TOP1MT: variants seen among roughly 807,000 people sequenced by gnomAD.
TOP1MT encodes DNA topoisomerase I, mitochondrial.
Under a neutral mutation model 73.9 loss-of-function variants are expected in TOP1MT, and 80 were observed. That is an observed-to-expected ratio of 1.08 (90% confidence interval 0.90 to 1.30). The LOEUF (loss-of-function observed/expected upper bound fraction) is 1.30, where lower values mean the gene tolerates loss of function less well. TOP1MT is among the 50% of genes most tolerant of loss of function. The pLI is 0.00. For synonymous variants in TOP1MT, 338 were observed against 326.4 expected, an observed-to-expected ratio of 1.04 and a Z score of -0.38; for missense variants, 815 against 808.0, an observed-to-expected ratio of 1.01 and a Z score of -0.10.
rs879811185 is a variant in TOP1MT, at chr8:143,323,726, A to ACACATGCTCAC, written c.960+272_960+273insGTGAGCATGTG. ...GGCACACCACACACATGCACGCCACACACACATGCACGCCACACACATGCA... is the reference window on the plus strand; with the variant it reads ...GGCACACCACACACATGCACGCCACACACATGCTCACCACACATGCACGCCACACACATGCA... On this transcript the variant is annotated intron_variant, in intron 7 of 13. Transcript: ENST00000329245. 1.7e-4 allele frequency among the ~76,000 whole-genome samples: 10 copies of ACACATGCTCAC among 58,842 alleles called. 2 individuals are homozygous for ACACATGCTCAC. The highest frequency in any genetic ancestry group is 2.2e-3 in the East Asian group (1 of 462). The allele number at this position is 58,842 out of a possible 152,430, so 38.6% of individuals were successfully genotyped here.
intron 10 of TOP1MT, 92 bp downstream of exon 10, chr8:143,317,631 G>A (rs910699333): frequency 1.6e-5 from 18 of 1,146,852 alleles, no homozygotes; most frequent in East Asian, 4.9e-5. Flanking sequence ...GCCCCACCCC[G>A]AGGCTCACTC....
chr8:143,325,597 T>C (rs1816686168), intron 4 of TOP1MT, 64 bp from the exon 5 acceptor site: 4 of 1,498,706 alleles, frequency 2.7e-6, no homozygotes, highest in Non-Finnish European at 3.7e-6. Flanking sequence ...CTCAGTCCGT[T>C]GTTGCTAACC....
In TOP1MT at chr8:143,310,162, G is replaced by A. The variant is rs758896966; in HGVS notation, c.1609C>T (p.Leu537=). The change falls in exon 13 of 14, where the codon CTG becomes TTG. Residue 537 remains leucine, a synonymous_variant. Coordinates refer to ENST00000329245, the MANE Select transcript of TOP1MT (RefSeq NM_052963.3). ...TCCTTGTCCGTGGCCTGCACACTCA[G>A]CTGCGCCAGCTGCTCCTGCAGCTTC... ...LEKLQEQLAQ[L]SVQATDKEEN... 6 of 1,607,108 alleles carry A rather than the reference G, an allele frequency of 3.7e-6. No homozygotes were observed. Among genetic ancestry groups the A allele is most frequent in the Non-Finnish European group, 5.1e-6 (6 of 1,176,964 alleles).
intron 2 of TOP1MT, among the ~76,000 whole-genome samples, chr8:143,342,856 C>T (rs989245983): frequency 5.4e-5 from 8 of 149,138 alleles, no homozygotes; most frequent in African/African-American, 1.5e-4. Context: ...GTGATCTCGG[C>T]TCACTGCAAC....
chr8:143,309,691 C>A, intron 13 of TOP1MT, 148 bp from the exon 14 acceptor site: 1 of 1,516,026 alleles, frequency 6.6e-7, no homozygotes, highest in African/African-American at 1.4e-5. Flanking sequence ...CTAGGCCAAC[C>A]CCACCCCACG....
chr8:143,316,090 T>A lies in TOP1MT; in HGVS notation c.1367A>T (p.Asn456Ile), dbSNP rs750603906. ...DSIAAKILSY[N>I]RANRVVAILC... ...AATGGCCACGACTCGGTTGGCTCGG[T>A]TGTAGGATAAGATCTTAGCTGCTAT... Residue 456 changes from asparagine to isoleucine, a missense_variant, in exon 11 of 14, where the codon AAC (asparagine) becomes ATC (isoleucine). This residue lies in a region of TOP1MT where 751 missense variants were observed against 725.4 expected (regional missense o/e 1.04). Transcript: ENST00000329245. 2.5e-6 allele frequency: 4 copies of A among 1,614,092 alleles called. No homozygotes were observed. Among genetic ancestry groups the A allele is most frequent in the South Asian group, 1.1e-5 (1 of 91,090 alleles).
chr8:143,321,777 C>CAG (rs1586757652), intron 7 of TOP1MT, among the ~76,000 whole-genome samples: 18 of 103,760 alleles, frequency 1.7e-4, no homozygotes, highest in Admixed American at 2.1e-4. Flanking sequence ...GCCACACACA[C>CAG]GCACGCCACA....
intron 3 of TOP1MT, among the ~76,000 whole-genome samples, chr8:143,326,746 A>C (rs1376155981): frequency 6.6e-6 from 1 of 152,244 alleles, no homozygotes; most frequent in Non-Finnish European, 1.5e-5. Flanking sequence ...GACCGGACAG[A>C]GCAGGATACA....
chr8:143,347,602 T>C (rs1185596986), upstream of TOP1MT, among the ~76,000 whole-genome samples: 1 of 152,184 alleles, frequency 6.6e-6, no homozygotes, highest in Non-Finnish European at 1.5e-5. Flanking sequence ...CTCTTAAAAG[T>C]AGTTACTATT....
At chr8:143,318,181 G>T in intron 8 of TOP1MT, 95 bp from the exon 9 acceptor site, 1 of 1,179,082 alleles carries the variant, frequency 8.5e-7, no homozygotes, top group Non-Finnish European at 1.2e-6. Flanking sequence ...GCCCACGGGA[G>T]GCTTCCCTGA....
At chr8:143,323,134 C>A (rs1218135983) in intron 7 of TOP1MT, among the ~76,000 whole-genome samples, 2 of 138,724 alleles carry the variant, frequency 1.4e-5, no homozygotes, top group Non-Finnish European at 3.0e-5. Context: ...CACACACAGG[C>A]ACACCACACA....
intron 12 of TOP1MT, among the ~76,000 whole-genome samples, chr8:143,315,093 C>G (rs966012209): frequency 1.3e-5 from 2 of 152,024 alleles, no homozygotes; most frequent in South Asian, 2.1e-4. Flanking sequence ...CTTAGCAGAC[C>G]GGGAAAGGGA....
chr8:143,357,953 T>G (rs917857607), upstream of TOP1MT, among the ~76,000 whole-genome samples: 19 of 150,136 alleles, frequency 1.3e-4, no homozygotes, highest in East Asian at 3.5e-3. Flanking sequence ...CTGGGCATGG[T>G]AGCACACGCC....
chr8:143,340,942 C>T (rs747967806), intron 2 of TOP1MT, among the ~76,000 whole-genome samples: 20 of 152,164 alleles, frequency 1.3e-4, no homozygotes, highest in Non-Finnish European at 2.5e-4. Flanking sequence ...GGCCCTGGCT[C>T]GTCCTCCGTG....
chr8:143,321,089 A>G (rs1816326378), intron 8 of TOP1MT, 112 bp downstream of exon 8: 1 of 1,126,964 alleles, frequency 8.9e-7, no homozygotes, highest in Non-Finnish European at 1.2e-6. Flanking sequence ...CTCACCCAGC[A>G]GGCAGGACGT....
intron 10 of TOP1MT, among the ~76,000 whole-genome samples, chr8:143,317,335 C>G (rs1224988621): frequency 1.3e-5 from 2 of 152,146 alleles, no homozygotes; most frequent in Non-Finnish European, 2.9e-5. Context: ...GGACAGAGGC[C>G]CAGAGGTCGG....
upstream of TOP1MT, among the ~76,000 whole-genome samples, chr8:143,337,928 G>A (rs542796379): frequency 2.6e-5 from 4 of 152,190 alleles, no homozygotes; most frequent in Admixed American, 2.6e-4. Flanking sequence ...TCTGATCACC[G>A]GTGCATGCGG....
rs920929132 is a variant in TOP1MT, at chr8:143,318,710, C to T, written c.1147-624G>A. Among the ~76,000 whole-genome samples, 96 of 152,238 alleles carry T rather than the reference C, an allele frequency of 6.3e-4. 1 individual carries two copies. The highest frequency in any genetic ancestry group is 2.2e-3 in the African/African-American group (92 of 41,540). ...GCTCTCTCCAGCACCAGCATGGCAG[C>T]CCTCCCTCACCAGACACGGGCAGGA... On this transcript the variant is annotated intron_variant, in intron 8 of 13. Transcript: ENST00000329245.
intron 1 of TOP1MT, chr8:143,332,405 G>A (rs148352851): frequency 9.4e-7 from 1 of 1,068,634 alleles, no homozygotes; most frequent in Non-Finnish European, 1.3e-6. Context: ...AGCACCATCA[G>A]GATGGGGGAG....
Sources: gnomAD v4.1 joint callset for allele counts (sites outside exome capture counted in the v4.1 genomes callset) on GRCh38, gnomAD v4.1.1 for gene constraint, gnomAD v4.1.1 regional missense constraint, MANE v1.5 for transcripts, NCBI Gene and HGNC (gene_info 2026-07-23, HGNC 2026-07-21) for gene names.